Variants in QKI observed in about 807,000 individuals in gnomAD.
QKI encodes the protein QKI, KH domain containing RNA binding.
A neutral mutation model predicts 39.0 loss-of-function variants in QKI; 10 were observed. The ratio of observed to expected loss-of-function variants is 0.26; its 90% CI spans 0.16 to 0.43. QKI has a LOEUF of 0.43. QKI is among the 20% of genes least tolerant of loss of function. The pLI is 1.00. For synonymous variants in QKI, 204 were observed against 155.4 expected (o/e 1.31, Z -2.33); for missense variants, 218 against 428.0 (o/e 0.51, Z 4.33).
At chr6:163,537,158 A>G (rs1333064200) in intron 4 of QKI, among the ~76,000 whole-genome samples, 2 of 152,196 alleles carry the variant, frequency 1.3e-5, no homozygotes, top group Non-Finnish European at 2.9e-5. Context: ...TGATAGCACC[A>G]CTGTACGCCA....
chr6:163,494,223 G>C (rs1778254320), intron 3 of QKI, among the ~76,000 whole-genome samples: 1 of 152,174 alleles, frequency 6.6e-6, no homozygotes, highest in Non-Finnish European at 1.5e-5. Context: ...TCTTTGCGTT[G>C]TATTCAGTAT....
intron 7 of QKI, chr6:163,567,057 A>G (rs939063327): frequency 2.7e-5 from 30 of 1,092,706 alleles, no homozygotes; most frequent in South Asian, 2.7e-4. Flanking sequence ...AAATTAGTCA[A>G]TTTGGGGAGC....
In QKI at chr6:163,566,618, G is replaced by A. The variant is rs929132362; in HGVS notation, c.935-103G>A. 2.6e-6 allele frequency: 4 copies of A among 1,545,808 alleles called. No individual in the cohort carries two copies. In the African/African-American group the frequency reaches 4.1e-5, roughly 16 times the overall value. Reference sequence around the variant, plus strand: ...TTAACGTGTTTCTTAAACTTTTGTAGTAAATGAACATTTGAAATCCATTTT... The same window carrying A: ...TTAACGTGTTTCTTAAACTTTTGTAATAAATGAACATTTGAAATCCATTTT... On this transcript the variant is annotated intron_variant, in intron 6 of 7. Transcript: ENST00000361752.
At chr6:163,560,887 A>G (rs1288583086) in intron 4 of QKI, among the ~76,000 whole-genome samples, 4 of 152,340 alleles carry the variant, frequency 2.6e-5, no homozygotes, top group Admixed American at 6.5e-5. Flanking sequence ...CTGGAACAGT[A>G]AATGGAAAGA....
chr6:163,479,649 C>T (rs1614869), intron 3 of QKI, among the ~76,000 whole-genome samples: 12,733 of 152,268 alleles, frequency 0.084, 633 homozygotes, highest in African/African-American at 0.12. Context: ...GGATTATAGG[C>T]GTGAGCCACC....
chr6:163,567,237 G>A, intron 7 of QKI: 1 of 987,030 alleles, frequency 1.0e-6, no homozygotes, highest in Non-Finnish European at 1.2e-6. Context: ...GGAGAAAACT[G>A]AAGATTTAGT....
chr6:163,548,033 T>C (rs549287512), intron 4 of QKI, among the ~76,000 whole-genome samples: 6 of 152,218 alleles, frequency 3.9e-5, no homozygotes, highest in Non-Finnish European at 5.9e-5. Flanking sequence ...ATTAAATAAC[T>C]CACAGTTTTC....
At chr6:163,517,382 C>T (rs1395418903) in intron 3 of QKI, among the ~76,000 whole-genome samples, 1 of 152,106 alleles carries the variant, frequency 6.6e-6, no homozygotes, top group Non-Finnish European at 1.5e-5. Context: ...TGCAGAATTT[C>T]TCACAGCAGT....
intron 3 of QKI, among the ~76,000 whole-genome samples, chr6:163,479,169 A>G: frequency 6.6e-6 from 1 of 151,586 alleles, no homozygotes; most frequent in East Asian, 2.0e-4. Context: ...GGCGCCTGTA[A>G]TCCCAGCTAC....
intron 1 of QKI, among the ~76,000 whole-genome samples, chr6:163,436,978 T>C (rs952426453): frequency 2.0e-5 from 3 of 152,168 alleles, no homozygotes; most frequent in African/African-American, 7.2e-5. Context: ...TTTGAATGTT[T>C]AGCCATCTCT....
rs1045705806 is a variant in QKI, at chr6:163,514,622, A to G, written c.403-20360A>G. The stretch of plus-strand genomic sequence containing the variant: ...TTGACCAATGGAATTAGACTAAGCT[A>G]TTTTACTCGGATATGTATGTGTGTA... On this transcript the variant is annotated intron_variant, in intron 3 of 7. Transcript: ENST00000361752. 6.6e-5 allele frequency among the ~76,000 whole-genome samples: 10 copies of G among 152,300 alleles called. 1 individual carries two copies. The highest frequency in any genetic ancestry group is 3.4e-3 in the Middle Eastern group (1 of 294).
At chr6:163,556,395 C>G (rs1782609980) in intron 4 of QKI, among the ~76,000 whole-genome samples, 1 of 151,398 alleles carries the variant, frequency 6.6e-6, no homozygotes, top group South Asian at 2.1e-4. Flanking sequence ...GCCTGTAATC[C>G]CAGCTACTTG....
At chr6:163,491,816 CTT>C (rs1778070570) in intron 3 of QKI, among the ~76,000 whole-genome samples, 2 of 152,064 alleles carry the variant, frequency 1.3e-5, no homozygotes, top group African/African-American at 2.4e-5. Flanking sequence ...TAAGAATAGA[CTT>C]TTGTTTTTAT....
At position 163,565,491 on chromosome 6, in the gene QKI, A is replaced by C. The variant is rs1783307748; in HGVS notation, c.935-1230A>C. 1.5e-5 allele frequency: 15 copies of C among 987,680 alleles called. No homozygotes were observed. The South Asian group carries it at 6.5e-4, about 43-fold the overall frequency. The allele number at this position is 987,680 out of a possible 1,614,324, so 61.2% of individuals were successfully genotyped here. A position where few individuals can be genotyped will look rare whatever the true frequency, so the allele number is the denominator to read the frequency against. On this transcript the variant is annotated intron_variant, in intron 6 of 7. Transcript: ENST00000361752. ...CAGTTTACTGCTTAGAAATAGCAAG[A>C]GGCACTGCAGTAAAACTTGTTTCTC... is the stretch of plus-strand genomic sequence containing the variant.
rs1184314853 is a variant in QKI, at chr6:163,430,426, C to G, written c.142+15091C>G. 2.6e-5 allele frequency among the ~76,000 whole-genome samples: 4 copies of G among 151,644 alleles called. No individual in the cohort carries two copies. The East Asian group carries it at 7.7e-4, about 29-fold the overall frequency. On this transcript the variant is annotated intron_variant, in intron 1 of 7. Coordinates refer to ENST00000361752, the MANE Select transcript of QKI (RefSeq NM_006775.3). ...ATTTTAACTATTGTTTATCTGTATG[C>G]TTAATTTGGCTTTTTATTTTTTTTG...
At chr6:163,424,991 A>G (rs1237917159) in intron 1 of QKI, among the ~76,000 whole-genome samples, 1 of 152,202 alleles carries the variant, frequency 6.6e-6, no homozygotes, top group African/African-American at 2.4e-5. Context: ...ACAATTAAAT[A>G]AGCAAAACAG....
chr6:163,495,551 A>G (rs759761804), intron 3 of QKI, among the ~76,000 whole-genome samples: 82 of 152,190 alleles, frequency 5.4e-4, no homozygotes, highest in Non-Finnish European at 9.6e-4. Context: ...TTACTTTATC[A>G]AATTCTGAAA....
At chr6:163,478,557 A>G (rs1792806080) in intron 2 of QKI, among the ~76,000 whole-genome samples, 1 of 152,198 alleles carries the variant, frequency 6.6e-6, no homozygotes, top group South Asian at 2.1e-4. Context: ...TTCCCAGTTC[A>G]TAGTTTGTGT....
intron 1 of QKI, among the ~76,000 whole-genome samples, chr6:163,421,532 C>A (rs1787989626): frequency 6.6e-6 from 1 of 151,564 alleles, no homozygotes; most frequent in Non-Finnish European, 1.5e-5. Flanking sequence ...TCCCTAAGTG[C>A]TGCTTTGGTG....
Sources: allele counts gnomAD v4.1 joint callset (sites outside exome capture counted in the v4.1 genomes callset), GRCh38; gene constraint gnomAD v4.1.1; transcripts MANE v1.5; gene names NCBI Gene and HGNC (gene_info 2026-07-23, HGNC 2026-07-21).